Variants in SYNE2 observed in about 807,000 individuals in gnomAD.
SYNE2 encodes spectrin repeat containing nuclear envelope protein 2, also known as nesprin-2.
Under a neutral mutation model 856.3 loss-of-function variants are expected in SYNE2, and 431 were observed. The ratio of observed to expected loss-of-function variants is 0.50; its 90% confidence interval spans 0.47 to 0.55. The LOEUF is 0.55. Ranked by LOEUF, SYNE2 falls within the 20% of genes least tolerant of loss-of-function variation. The pLI, the probability that SYNE2 is intolerant of heterozygous loss-of-function variation, is 0.00. For synonymous variants in SYNE2, 2,923 were observed against 2,872.3 expected (o/e 1.02, Z -0.56); for missense variants, 8,129 against 8,023.2 (o/e 1.01, Z -0.50).
chr14:63,849,855 G>A (rs879001584), upstream of SYNE2, among the ~76,000 whole-genome samples: 3 of 152,158 alleles, frequency 2.0e-5, no homozygotes, highest in Non-Finnish European at 4.4e-5. Flanking sequence ...TCAGTACGCT[G>A]TGCAAGTATA....
chr14:64,102,258 AG>A (rs1184418572), intron 64 of SYNE2, among the ~76,000 whole-genome samples: 1 of 152,186 alleles, frequency 6.6e-6, no homozygotes, highest in Non-Finnish European at 1.5e-5. Context: ...CTGGGATTAC[AG>A]GCACACGTCA....
At chr14:64,049,999 G>A in intron 47 of SYNE2, 123 bp downstream of exon 47, 1 of 1,188,434 alleles carries the variant, frequency 8.4e-7, no homozygotes, top group Non-Finnish European at 1.2e-6. Context: ...AAAACCACAG[G>A]ATGGAATGTT....
In SYNE2 at chr14:64,052,269, G is replaced by C; in HGVS notation, c.8356G>C (p.Ala2786Pro). ...TAGGCAGCAGTCTGTGGAATCGTTG[G>C]CTGAAGAGGTCAAAGATAAGGTTCC... ...LARQQSVESLAEEVKDKVPSL... is the reference protein window; with the variant it reads ...LARQQSVESLPEEVKDKVPSL... The change falls in exon 48 of 116, where the codon GCT (alanine) becomes CCT (proline). Residue 2786 changes from alanine to proline, a missense_variant. Ala to Pro is a conservative substitution (Grantham distance 27, BLOSUM62 -1). Around this residue, in one of 3 missense-constraint regions of SYNE2, gnomAD observed 5,410 missense variants for 5,284.8 expected, o/e 1.02. Coordinates refer to ENST00000555002, the MANE Select transcript of SYNE2 (RefSeq NM_182914.3). 1 of 1,614,172 alleles carries C rather than the reference G, an allele frequency of 6.2e-7. No homozygotes were observed. Among genetic ancestry groups the C allele is most frequent in the Non-Finnish European group, 8.5e-7 (1 of 1,180,034 alleles).
intron 66 of SYNE2, among the ~76,000 whole-genome samples, chr14:64,118,862 G>GAA (rs1174672336): frequency 1.5e-4 from 10 of 67,692 alleles, no homozygotes; most frequent in Non-Finnish European, 1.8e-4. Context: ...CTCCGTCTCA[G>GAA]AAAAAAAAAA....
chr14:63,898,408 T>C (rs1306771712), intron 1 of SYNE2, among the ~76,000 whole-genome samples: 1 of 152,152 alleles, frequency 6.6e-6, no homozygotes, highest in Non-Finnish European at 1.5e-5. Context: ...TTTGTTGGTA[T>C]AGTTTTATTT....
intron 1 of SYNE2, among the ~76,000 whole-genome samples, chr14:63,791,771 G>C (rs182872888): frequency 6.6e-6 from 1 of 151,862 alleles, no homozygotes; most frequent in Admixed American, 6.6e-5. Flanking sequence ...GTGAAACATC[G>C]TCTCTACTAA....
chr14:64,018,521 C>T (rs1480109308), intron 34 of SYNE2, among the ~76,000 whole-genome samples: 12 of 152,132 alleles, frequency 7.9e-5, no homozygotes, highest in African/African-American at 1.2e-4. Flanking sequence ...GGATTACAGG[C>T]GTGAGCCATC....
chr14:63,874,251 G>A (rs747167757), intron 1 of SYNE2, among the ~76,000 whole-genome samples: 11 of 152,144 alleles, frequency 7.2e-5, no homozygotes, highest in Non-Finnish European at 1.3e-4. Context: ...ACAAAAAGAC[G>A]TAAACATTTA....
intron 1 of SYNE2, among the ~76,000 whole-genome samples, chr14:63,804,638 C>A (rs1888289113): frequency 6.6e-6 from 1 of 152,108 alleles, no homozygotes; most frequent in South Asian, 2.1e-4. Flanking sequence ...TGATTACAGG[C>A]ATGTGCCACC....
At chr14:64,134,008 T>A (rs2098056446) in intron 77 of SYNE2, 61 bp from the exon 78 acceptor site, 1 of 1,591,140 alleles carries the variant, frequency 6.3e-7, no homozygotes, top group Admixed American at 1.7e-5. Flanking sequence ...ATTAATTATG[T>A]TGTTATCTGG....
chr14:63,959,885 A>G (rs1218471605), intron 8 of SYNE2, among the ~76,000 whole-genome samples: 1 of 152,162 alleles, frequency 6.6e-6, no homozygotes, highest in African/African-American at 2.4e-5. Context: ...ACAAATAACC[A>G]GGCAACTAAT....
chr14:64,181,843 CTA>C (rs2098459629), intron 96 of SYNE2, among the ~76,000 whole-genome samples: 1 of 152,226 alleles, frequency 6.6e-6, no homozygotes, highest in African/African-American at 2.4e-5. Context: ...TCTAACTTCA[CTA>C]TTATGAAAAT....
At chr14:63,886,137 T>G (rs1311815795) in intron 1 of SYNE2, among the ~76,000 whole-genome samples, 1 of 152,196 alleles carries the variant, frequency 6.6e-6, no homozygotes. Context: ...TCCTTACTGC[T>G]TGTTTTTCAA....
intron 11 of SYNE2, among the ~76,000 whole-genome samples, chr14:63,969,416 C>G (rs1228421431): frequency 6.8e-6 from 1 of 146,896 alleles, no homozygotes; most frequent in Non-Finnish European, 1.5e-5. Flanking sequence ...TCTCGGCTCA[C>G]TGCAACCCCT....
intron 107 of SYNE2, 111 bp downstream of exon 107, chr14:64,215,465 G>A (rs1249082734): frequency 3.6e-5 from 38 of 1,060,120 alleles, no homozygotes; most frequent in Admixed American, 3.2e-4. Flanking sequence ...GACACCATGC[G>A]CCTTGGTCCT....
intron 95 of SYNE2, 44 bp downstream of exon 95, chr14:64,175,182 G>T (rs756753142): frequency 1.2e-6 from 2 of 1,604,192 alleles, no homozygotes; most frequent in Admixed American, 1.7e-5. Flanking sequence ...TTCAAATTCA[G>T]TACATAGATT....
chr14:64,201,427 G>A (rs1017123160), intron 99 of SYNE2, among the ~76,000 whole-genome samples: 1 of 152,212 alleles, frequency 6.6e-6, no homozygotes, highest in Admixed American at 6.5e-5. Flanking sequence ...CTGTGAGTGC[G>A]GCGGAAACTG....
Position 64,190,186 on chromosome 14 carries a change from T to G in SYNE2, c.17987T>G (p.Leu5996Arg). The change falls in exon 99 of 116, where the codon CTC (leucine) becomes CGC (arginine). Residue 5996 changes from leucine to arginine, a missense_variant. This residue lies in a region of SYNE2 where 5,410 missense variants were observed against 5,284.8 expected (regional missense o/e 1.02). Coordinates refer to ENST00000555002, the MANE Select transcript of SYNE2 (RefSeq NM_182914.3). ...AGAGCAGCTGAGATCGATGACAAGCTCAACAAAATTAACGATCGTTGGCAA... is the reference window on the plus strand; with the variant it reads ...AGAGCAGCTGAGATCGATGACAAGCGCAACAAAATTAACGATCGTTGGCAA... ...KSRAAEIDDK[L>R]NKINDRWQHL... 2 of 1,613,972 alleles carry G rather than the reference T, an allele frequency of 1.2e-6. No homozygotes were observed. Among genetic ancestry groups the G allele is most frequent in the Non-Finnish European group, 1.7e-6 (2 of 1,180,008 alleles).
At chr14:63,797,630 C>T (rs1387900942) in intron 1 of SYNE2, among the ~76,000 whole-genome samples, 12 of 152,206 alleles carry the variant, frequency 7.9e-5, no homozygotes, top group Admixed American at 5.2e-4. Flanking sequence ...TCAGTAGAGA[C>T]GGGGTTTCGC....
Sources: allele counts gnomAD v4.1 joint callset (sites outside exome capture counted in the v4.1 genomes callset), GRCh38; gene constraint gnomAD v4.1.1; regional missense constraint gnomAD v4.1.1; transcripts MANE v1.5; gene names NCBI Gene and HGNC (gene_info 2026-07-23, HGNC 2026-07-21).